Variants in TTC7A observed in about 807,000 individuals in gnomAD.
The protein encoded by TTC7A is tetratricopeptide repeat protein 7A.
TTC7A carries 110 observed loss-of-function variants against 103.7 expected under a neutral mutation model. That is an observed-to-expected ratio of 1.06 (90% CI 0.91 to 1.24). The LOEUF is 1.24. Ranked by LOEUF, TTC7A falls within the 50% of genes most tolerant of loss-of-function variation. The pLI is 0.00. For missense variants in TTC7A, 1,340 were observed against 1,116.3 expected, an observed-to-expected ratio of 1.20 and a Z score of -2.86; for synonymous variants, 521 against 467.9, an observed-to-expected ratio of 1.11 and a Z score of -1.47.
intron 14 of TTC7A, among the ~76,000 whole-genome samples, chr2:47,027,439 G>A (rs1003890891): frequency 1.3e-5 from 2 of 152,262 alleles, no homozygotes; most frequent in Non-Finnish European, 2.9e-5. Flanking sequence ...CTGCTCTGCT[G>A]CTAACTTGCT....
At chr2:47,054,007 A>T in intron 18 of TTC7A, 1 of 653,318 alleles carries the variant, frequency 1.5e-6, no homozygotes, top group Non-Finnish European at 1.9e-6. Flanking sequence ...TGAAGCCAGT[A>T]ATTAGACTTG....
intron 2 of TTC7A, among the ~76,000 whole-genome samples, chr2:46,930,096 C>G (rs764582216): frequency 1.3e-5 from 2 of 151,946 alleles, no homozygotes; most frequent in Non-Finnish European, 2.9e-5. Context: ...CATAACCTAA[C>G]CTTTCCCTAC....
At position 47,007,741 on chromosome 2, in the gene TTC7A, G is replaced by A. The variant is rs1220060553; in HGVS notation, c.1287+1017G>A. Among the ~76,000 whole-genome samples the A allele has an allele frequency of 4.6e-5, 7 of 152,120 alleles. No homozygotes were observed. Among genetic ancestry groups the A allele is most frequent in the African/African-American group, 1.7e-4 (7 of 41,424 alleles). ...CTGAGTGCGGGGAGAGGCTTGCTGG[G>A]GAGCCTTCCCTACCCCCATCTGCTG... On this transcript the variant is annotated intron_variant, in intron 10 of 19. Transcript: ENST00000319190. This position sits in a 1 kb window ranked among gnomAD's most constrained non-coding sequence, Gnocchi z 4.9.
chr2:46,953,014 C>T (rs1412409628), intron 2 of TTC7A, among the ~76,000 whole-genome samples: 2 of 152,076 alleles, frequency 1.3e-5, no homozygotes, highest in Non-Finnish European at 2.9e-5. Context: ...ATTGTGACAA[C>T]GGTTTTATTA....
chr2:46,916,727 C>CATTAAAAA, intron 1 of TTC7A: 2 of 164,442 alleles, frequency 1.2e-5, no homozygotes, highest in Non-Finnish European at 2.7e-5. Flanking sequence ...CTCCGCCTCC[C>CATTAAAAA]AGGTTCAAGC....
At chr2:46,923,391 C>T (rs150507769) in intron 2 of TTC7A, among the ~76,000 whole-genome samples, 216 of 152,272 alleles carry the variant, frequency 1.4e-3, no homozygotes, top group African/African-American at 5.1e-3. Context: ...CATCAGTCAA[C>T]CATTAGCTTA....
chr2:47,070,895 CT>C (rs1684627497), intron 19 of TTC7A, among the ~76,000 whole-genome samples: 2 of 152,226 alleles, frequency 1.3e-5, no homozygotes, highest in South Asian at 4.1e-4. Context: ...GCCATGGCAT[CT>C]CCCAAGGGAC....
In TTC7A at chr2:47,010,912, C is replaced by T. The variant is rs190736706; in HGVS notation, c.1288-419C>T. ...ACGGGGTTTCACCAAGTTGGCCAGGCTGGTCTCGAACTCCTGAGTTCAAGT... is the reference window on the plus strand; with the variant it reads ...ACGGGGTTTCACCAAGTTGGCCAGGTTGGTCTCGAACTCCTGAGTTCAAGT... On this transcript the variant is annotated intron_variant, in intron 10 of 19. Transcript: ENST00000319190. Among the ~76,000 whole-genome samples the T allele has an allele frequency of 3.3e-5, 5 of 152,272 alleles. No individual in the cohort carries two copies. In the East Asian group the frequency reaches 7.7e-4, roughly 24 times the overall value.
At chr2:46,938,622 C>G (rs1208402869), upstream of TTC7A, among the ~76,000 whole-genome samples, 1 of 152,144 alleles carries the variant, frequency 6.6e-6, no homozygotes, top group African/African-American at 2.4e-5. Context: ...ATTGATTTAT[C>G]AGTACTTTGG....
intron 2 of TTC7A, among the ~76,000 whole-genome samples, chr2:46,931,444 A>G (rs1290769610): frequency 6.6e-6 from 1 of 152,226 alleles, no homozygotes; most frequent in Non-Finnish European, 1.5e-5. Context: ...GAGGACCTTG[A>G]GATGGGGAGA....
intron 10 of TTC7A, 72 bp downstream of exon 10, chr2:47,006,796 T>C: frequency 1.6e-6 from 2 of 1,270,514 alleles, no homozygotes; most frequent in Non-Finnish European, 2.3e-6. Flanking sequence ...CAGAGGGGCT[T>C]TTCTGGCCAG....
chr2:47,014,812 G>A (rs72806579), intron 11 of TTC7A, among the ~76,000 whole-genome samples: 16,953 of 152,290 alleles, frequency 0.11, 1,083 homozygotes, highest in African/African-American at 0.17. Flanking sequence ...AGGACATTTG[G>A]AAAACGAGTT....
At chr2:47,072,376 A>C (rs1684823974) in intron 19 of TTC7A, among the ~76,000 whole-genome samples, 1 of 152,172 alleles carries the variant, frequency 6.6e-6, no homozygotes, top group Admixed American at 6.5e-5. Context: ...CAAGATCTCC[A>C]GCCAGCGCCT....
At chr2:46,987,129 A>AAAAGAGCCCTCGGT (rs1230807831) in intron 5 of TTC7A, among the ~76,000 whole-genome samples, 4 of 152,074 alleles carry the variant, frequency 2.6e-5, no homozygotes, top group African/African-American at 9.7e-5. Context: ...GCCCCAGTGC[A>AAAAGAGCCCTCGGT]AAAGAGCCCT....
chr2:47,004,279 C>G (rs1558564198), intron 8 of TTC7A, among the ~76,000 whole-genome samples: 1 of 152,260 alleles, frequency 6.6e-6, no homozygotes, highest in Middle Eastern at 3.4e-3. Flanking sequence ...TGAGTCACTT[C>G]CTTGGGTCTT....
intron 10 of TTC7A, among the ~76,000 whole-genome samples, chr2:47,009,477 A>G (rs1677781308): frequency 1.3e-5 from 2 of 152,134 alleles, no homozygotes; most frequent in Admixed American, 6.5e-5. Context: ...TTAACCTAAT[A>G]AGTCTGAGCC....
At chr2:46,937,853 ATG>A (rs1399045817), upstream of TTC7A, among the ~76,000 whole-genome samples, 3 of 152,326 alleles carry the variant, frequency 2.0e-5, no homozygotes, top group East Asian at 5.8e-4. The surrounding 1 kb of genome is among the most constrained non-coding windows in gnomAD (Gnocchi z 4.0). Flanking sequence ...TGAAAGCAAA[ATG>A]TGCTGTAATT....
intron 15 of TTC7A, chr2:47,034,288 G>A (rs1680876870): frequency 6.6e-6 from 1 of 152,232 alleles, no homozygotes; most frequent in East Asian, 1.9e-4. Flanking sequence ...GGCCTCAGGG[G>A]GCAGCAGCTC....
intron 2 of TTC7A, among the ~76,000 whole-genome samples, chr2:46,952,467 G>T (rs1374501672): frequency 6.6e-6 from 1 of 152,158 alleles, no homozygotes; most frequent in African/African-American, 2.4e-5. Flanking sequence ...ATAAATAAAA[G>T]TCCCAGCTGG....
Sources: gnomAD v4.1 joint callset for allele counts (sites outside exome capture counted in the v4.1 genomes callset) on GRCh38, gnomAD v4.1.1 for gene constraint, Gnocchi (gnomAD v3.1) non-coding constraint, MANE v1.5 for transcripts, NCBI Gene and HGNC (gene_info 2026-07-23, HGNC 2026-07-21) for gene names.